Variants in OR7C1 observed in about 807,000 individuals in gnomAD.
The protein encoded by OR7C1 is olfactory receptor family 7 subfamily C member 1.
For missense variants in OR7C1, 324 were observed against 383.3 expected (o/e 0.85, Z 1.29); for synonymous variants, 152 against 160.7 (o/e 0.95, Z 0.41).
chr19:14,814,215 A>G (rs966832102), intron 1 of OR7C1, among the ~76,000 whole-genome samples: 1 of 147,778 alleles, frequency 6.8e-6, no homozygotes, highest in Non-Finnish European at 1.5e-5. Context: ...ATGGCAAAGA[A>G]AAGCAATGAG....
At chr19:14,828,344 T>C (rs2044796016) in intron 1 of OR7C1, 1 of 1,264,370 alleles carries the variant, frequency 7.9e-7, no homozygotes, top group Non-Finnish European at 1.1e-6. Context: ...TTATAGCCAA[T>C]AAATTATCTT....
chr19:14,824,549 CAT>C (rs1304082216), intron 1 of OR7C1: 6 of 152,122 alleles, frequency 3.9e-5, no homozygotes, highest in African/African-American at 1.4e-4. Flanking sequence ...CTACAAAGGA[CAT>C]GTTTTTTTCT....
intron 1 of OR7C1, among the ~76,000 whole-genome samples, chr19:14,813,316 A>T (rs555807628): frequency 6.6e-6 from 1 of 152,058 alleles, no homozygotes. Context: ...GCACTTTGGG[A>T]GGCTGAGGTG....
intron 3 of OR7C1, 23 bp downstream of exon 3, chr19:14,800,510 G>T: frequency 5.6e-6 from 1 of 177,362 alleles, no homozygotes; most frequent in Admixed American, 5.7e-5. Flanking sequence ...TAGTGATATA[G>T]GAGTTAAGAA....
At chr19:14,810,334 A>C (rs1257478511) in intron 1 of OR7C1, among the ~76,000 whole-genome samples, 1 of 151,164 alleles carries the variant, frequency 6.6e-6, no homozygotes, top group African/African-American at 2.4e-5. Flanking sequence ...AGACTTAGAC[A>C]TATGGTTTTG....
intron 1 of OR7C1, among the ~76,000 whole-genome samples, chr19:14,813,794 A>T (rs1207355846): frequency 6.6e-6 from 1 of 152,008 alleles, no homozygotes; most frequent in Non-Finnish European, 1.5e-5. Flanking sequence ...GCAAGGGGGA[A>T]ATCTGCCCCC....
rs117688087 is a variant in OR7C1, at chr19:14,815,250, G to A, written c.-622-5257C>T. On this transcript the variant is annotated intron_variant, in intron 1 of 4. Coordinates refer to ENST00000641666, the Ensembl canonical transcript of OR7C1. The stretch of plus-strand genomic sequence containing the variant: ...TCGTCTACAGAGGCTGCTCACTTGC[G>A]TGCTTTTCTGTTCTGAAAAGAACTT... 3.6e-3 allele frequency among the ~76,000 whole-genome samples: 543 copies of A among 152,240 alleles called. 4 individuals are homozygous for A. The highest frequency in any genetic ancestry group is 0.02 in the Middle Eastern group (6 of 294).
chr19:14,815,853 G>A (rs1213065894), intron 1 of OR7C1, among the ~76,000 whole-genome samples: 1 of 151,244 alleles, frequency 6.6e-6, no homozygotes, highest in East Asian at 1.9e-4. Flanking sequence ...ACAAGGTCTT[G>A]CTCTGTTGCC....
chr19:14,827,667 C>G, intron 1 of OR7C1: 1 of 1,614,164 alleles, frequency 6.2e-7, no homozygotes, highest in Non-Finnish European at 8.5e-7. Flanking sequence ...ATTAAGAAAG[C>G]TATCAGAACA....
intron 2 of OR7C1, among the ~76,000 whole-genome samples, chr19:14,804,116 C>G (rs2044655572): frequency 6.6e-6 from 1 of 152,120 alleles, no homozygotes; most frequent in Admixed American, 6.6e-5. Flanking sequence ...AGGCCCTGAC[C>G]TCTCACCTGT....
intron 1 of OR7C1, chr19:14,827,588 G>A (rs969045842): frequency 6.2e-7 from 1 of 1,614,128 alleles, no homozygotes; most frequent in Admixed American, 1.7e-5. Context: ...TTATCTTAGA[G>A]TAAGAGTAAA....
chr19:14,827,316 G>A (rs768078243), intron 1 of OR7C1: 66 of 1,565,832 alleles, frequency 4.2e-5, no homozygotes, highest in Non-Finnish European at 5.6e-5. Context: ...CCCTTTCATT[G>A]TTCCCCACAA....
At chr19:14,834,412 TA>T (rs1214608907) in intron 1 of OR7C1, among the ~76,000 whole-genome samples, 1 of 152,196 alleles carries the variant, frequency 6.6e-6, no homozygotes, top group Non-Finnish European at 1.5e-5. Context: ...GTCTATCCTA[TA>T]CACTGTGAGT....
intron 2 of OR7C1, among the ~76,000 whole-genome samples, chr19:14,804,487 T>C (rs2044656984): frequency 6.7e-6 from 1 of 150,094 alleles, no homozygotes; most frequent in Non-Finnish European, 1.5e-5. Context: ...ATTCAAAATA[T>C]TTAGTTGTAA....
intron 1 of OR7C1, among the ~76,000 whole-genome samples, chr19:14,834,724 C>T (rs2044868233): frequency 6.6e-6 from 1 of 152,132 alleles, no homozygotes; most frequent in African/African-American, 2.4e-5. Context: ...GACTGTATAT[C>T]CCTCCACAGC....
intron 2 of OR7C1, among the ~76,000 whole-genome samples, chr19:14,801,019 C>G (rs894854133): frequency 6.6e-6 from 1 of 152,152 alleles, no homozygotes; most frequent in African/African-American, 2.4e-5. Flanking sequence ...CTGAACTCCT[C>G]GTGTGTGTCC....
chr19:14,817,802 T>C (rs924353946), intron 1 of OR7C1, among the ~76,000 whole-genome samples: 2 of 152,172 alleles, frequency 1.3e-5, no homozygotes, highest in African/African-American at 4.8e-5. Flanking sequence ...GGAATTCCAA[T>C]TGGTAAGACT....
intron 3 of OR7C1, 42 bp downstream of exon 3, chr19:14,800,491 C>A: frequency 4.7e-6 from 1 of 212,880 alleles, no homozygotes; most frequent in Non-Finnish European, 9.3e-6. Flanking sequence ...AAGGGTTTCA[C>A]ATGCATATTA....
chr19:14,823,637 C>T (rs2145071172), intron 1 of OR7C1, among the ~76,000 whole-genome samples: 1 of 152,288 alleles, frequency 6.6e-6, no homozygotes. Flanking sequence ...CCTTCTGGGT[C>T]TCCAATGTCT....
Sources: allele counts gnomAD v4.1 joint callset (sites outside exome capture counted in the v4.1 genomes callset), GRCh38; gene constraint gnomAD v4.1.1; transcripts MANE v1.5; gene names NCBI Gene and HGNC (gene_info 2026-07-23, HGNC 2026-07-21).